Variants in FAT3 observed in about 807,000 individuals in gnomAD.
The protein encoded by FAT3 is protocadherin Fat 3.
Under a neutral mutation model 310.2 loss-of-function variants are expected in FAT3, and 95 were observed. The observed-to-expected ratio is 0.31, with a 90% confidence interval of 0.26 to 0.36. The LOEUF (loss-of-function observed/expected upper bound fraction) is 0.36, where lower values mean the gene tolerates loss of function less well. Among genes scored for constraint, FAT3 ranks in the 10% least tolerant of loss-of-function variants. The pLI is 1.00. For synonymous variants in FAT3, 2,314 were observed against 2,192.9 expected (o/e 1.06, Z -1.54); for missense variants, 5,408 against 5,715.6 (o/e 0.95, Z 1.74).
intron 2 of FAT3, chr11:92,367,214 C>T: frequency 3.2e-6 from 1 of 315,684 alleles, no homozygotes; most frequent in South Asian, 3.3e-5. Flanking sequence ...CACATGCTCT[C>T]TCTGTGGTGG....
chr11:92,375,104 A>G (rs574742841), intron 2 of FAT3, among the ~76,000 whole-genome samples: 19 of 152,094 alleles, frequency 1.2e-4, no homozygotes, highest in Non-Finnish European at 2.2e-4. Context: ...AATTTAATAT[A>G]TATCCTGTTA....
At chr11:92,673,287 A>G (rs1349970557) in intron 3 of FAT3, among the ~76,000 whole-genome samples, 4 of 152,210 alleles carry the variant, frequency 2.6e-5, no homozygotes, top group African/African-American at 9.6e-5. Context: ...ATTTTTATTT[A>G]TACTTTAACT....
chr11:92,496,193 G>C (rs577201219), intron 2 of FAT3, among the ~76,000 whole-genome samples: 4 of 152,030 alleles, frequency 2.6e-5, no homozygotes, highest in Admixed American at 2.6e-4. Flanking sequence ...GTTTCGTAAC[G>C]TATGTAGCCT....
chr11:92,803,999 C>T (rs543687564), intron 10 of FAT3, among the ~76,000 whole-genome samples: 4 of 152,338 alleles, frequency 2.6e-5, no homozygotes, highest in Admixed American at 2.6e-4. Context: ...CCCACTCAGT[C>T]TCTTCAGTAG....
At chr11:92,415,250 A>C (rs1950382653) in intron 2 of FAT3, among the ~76,000 whole-genome samples, 1 of 152,194 alleles carries the variant, frequency 6.6e-6, no homozygotes, top group Admixed American at 6.5e-5. Flanking sequence ...CTGCCATTTC[A>C]GAAATTAAAA....
chr11:92,733,167 C>A (rs1196399058), intron 4 of FAT3, among the ~76,000 whole-genome samples: 1 of 152,072 alleles, frequency 6.6e-6, no homozygotes, highest in African/African-American at 2.4e-5. Flanking sequence ...GCTACGTATG[C>A]CTTGTTAGAC....
intron 3 of FAT3, among the ~76,000 whole-genome samples, chr11:92,532,979 A>G (rs1276594725): frequency 1.3e-5 from 2 of 152,158 alleles, no homozygotes; most frequent in Non-Finnish European, 2.9e-5. Context: ...GTGCCCATTT[A>G]CAAGCCCCAG....
rs1030804320 is a variant in FAT3, at chr11:92,623,848, C to G, written c.3608-73536C>G. Among the ~76,000 whole-genome samples, 14 of 151,982 alleles carry G rather than the reference C, an allele frequency of 9.2e-5. No individual in the cohort carries two copies. In the East Asian group the frequency reaches 2.3e-3, roughly 25 times the overall value. ...GTCCCAGCTACTCGGGAGGCTGAGG[C>G]AGGAGAATGGCGTGAACCCGGGAGG... On this transcript the variant is annotated intron_variant, in intron 3 of 27. Coordinates refer to ENST00000525166, the MANE Select transcript of FAT3 (RefSeq NM_001367949.2).
At chr11:92,517,311 C>A (rs1049471252) in intron 2 of FAT3, among the ~76,000 whole-genome samples, 34 of 152,008 alleles carry the variant, frequency 2.2e-4, no homozygotes, top group African/African-American at 8.2e-4. Context: ...AGAACAGAGG[C>A]CCCAGAAATA....
intron 2 of FAT3, among the ~76,000 whole-genome samples, chr11:92,359,008 C>T (rs1948808585): frequency 6.6e-6 from 1 of 152,110 alleles, no homozygotes; most frequent in South Asian, 2.1e-4. Flanking sequence ...GTTAGCAGCT[C>T]TCAAACTTAG....
chr11:92,493,955 A>G (rs978217432), intron 2 of FAT3, among the ~76,000 whole-genome samples: 8 of 152,020 alleles, frequency 5.3e-5, no homozygotes, highest in African/African-American at 1.9e-4. Context: ...GAAGCTACAC[A>G]GACCTGAGAG....
At chr11:92,568,527 G>A (rs191264025) in intron 3 of FAT3, among the ~76,000 whole-genome samples, 1 of 152,180 alleles carries the variant, frequency 6.6e-6, no homozygotes, top group Admixed American at 6.5e-5. Flanking sequence ...TTAGACCCTA[G>A]TACACAAAAC....
At chr11:92,542,441 G>C (rs776359867) in intron 3 of FAT3, among the ~76,000 whole-genome samples, 13 of 151,634 alleles carry the variant, frequency 8.6e-5, no homozygotes, top group Middle Eastern at 3.2e-3. Flanking sequence ...ATCTAATAAG[G>C]GGCTAATAAA....
At chr11:92,588,242 G>C (rs1939251482) in intron 3 of FAT3, among the ~76,000 whole-genome samples, 1 of 151,716 alleles carries the variant, frequency 6.6e-6, no homozygotes, top group South Asian at 2.1e-4. Flanking sequence ...CCTAATGCTA[G>C]CTTCTATTGC....
intron 3 of FAT3, among the ~76,000 whole-genome samples, chr11:92,626,364 G>A (rs933760837): frequency 6.6e-6 from 1 of 152,106 alleles, no homozygotes; most frequent in African/African-American, 2.4e-5. Context: ...GACTTTTTAG[G>A]TGAGAGAGAT....
intron 2 of FAT3, among the ~76,000 whole-genome samples, chr11:92,466,251 G>C: frequency 6.6e-6 from 1 of 152,078 alleles, no homozygotes; most frequent in East Asian, 1.9e-4. Flanking sequence ...TATATATTAT[G>C]AAAGTATTAG....
intron 14 of FAT3, among the ~76,000 whole-genome samples, chr11:92,834,046 A>T (rs935057450): frequency 3.9e-5 from 6 of 152,122 alleles, no homozygotes; most frequent in African/African-American, 1.4e-4. Flanking sequence ...AGTCCTCATG[A>T]TTGTTTACTA....
chr11:92,233,641 T>C (rs540290166), intron 1 of FAT3, among the ~76,000 whole-genome samples: 1 of 152,232 alleles, frequency 6.6e-6, no homozygotes, highest in Admixed American at 6.5e-5. Context: ...TGCTTGGAAG[T>C]CCCTGGATTA....
At chr11:92,786,300 A>G (rs1223735759) in intron 7 of FAT3, among the ~76,000 whole-genome samples, 1 of 151,970 alleles carries the variant, frequency 6.6e-6, no homozygotes, top group Non-Finnish European at 1.5e-5. Context: ...AGATTGATGT[A>G]TTCACTTTTG....
Sources: gnomAD v4.1 joint callset for allele counts (sites outside exome capture counted in the v4.1 genomes callset) on GRCh38, gnomAD v4.1.1 for gene constraint, MANE v1.5 for transcripts, NCBI Gene and HGNC (gene_info 2026-07-23, HGNC 2026-07-21) for gene names.